NF1: variants seen among roughly 807,000 people sequenced by gnomAD.
The protein encoded by NF1 is neurofibromin.
In NF1, 122 loss-of-function variants were observed where a neutral mutation model predicts 325.7. The observed-to-expected ratio is 0.37, with a 90% CI of 0.32 to 0.44. The LOEUF is 0.44. Ranked by LOEUF, NF1 falls within the 20% of genes least tolerant of loss-of-function variation. The probability of loss-of-function intolerance (pLI) is 1.00; values close to 1 mark genes in which losing one functional copy is unlikely to be tolerated. For synonymous variants in NF1, 1,091 were observed against 1,186.0 expected (o/e 0.92, Z 1.65); for missense variants, 2,140 against 3,415.4 (o/e 0.63, Z 9.31).
At chr17:31,305,146 A>G in intron 36 of NF1, 1 of 1,614,154 alleles carries the variant, frequency 6.2e-7, no homozygotes, top group Non-Finnish European at 8.5e-7. Flanking sequence ...TCTAGAAGGG[A>G]TCTGGACAGA....
chr17:31,181,633 G>C, intron 6 of NF1, 77 bp from the exon 7 acceptor site: 1 of 1,275,492 alleles, frequency 7.8e-7, no homozygotes. Context: ...TATTATGAAG[G>C]AAGTTAGAAG....
intron 1 of NF1, among the ~76,000 whole-genome samples, chr17:31,106,098 A>G (rs1467051751): frequency 6.6e-6 from 1 of 152,216 alleles, no homozygotes; most frequent in Non-Finnish European, 1.5e-5. Context: ...TGGGCATGAG[A>G]AAACAACTTT....
chr17:31,365,168 C>A (rs778754412), intron 57 of NF1, among the ~76,000 whole-genome samples: 1 of 150,116 alleles, frequency 6.7e-6, no homozygotes, highest in Non-Finnish European at 1.5e-5. Context: ...ATTTGTAGTC[C>A]CAGCTACTTG....
chr17:31,218,920 A>T, intron 13 of NF1, 85 bp from the exon 14 acceptor site: 2 of 1,341,002 alleles, frequency 1.5e-6, no homozygotes, highest in Non-Finnish European at 2.1e-6. Flanking sequence ...GGTACCCTTT[A>T]GCAGTCACTG....
chr17:31,350,154 T>G (rs920196388), intron 49 of NF1, 29 bp from the exon 50 acceptor site: 42 of 1,613,578 alleles, frequency 2.6e-5, no homozygotes, highest in Non-Finnish European at 3.1e-5. Flanking sequence ...TTTGTTAAAT[T>G]TTTTAACCTG....
intron 11 of NF1, among the ~76,000 whole-genome samples, chr17:31,206,009 A>G (rs1161276059): frequency 6.6e-6 from 1 of 152,130 alleles, no homozygotes; most frequent in Non-Finnish European, 1.5e-5. Flanking sequence ...ACATGCTCAT[A>G]AAGTGGGCAA....
In NF1 at chr17:31,214,599, T is replaced by C; in HGVS notation, c.1527+14T>C. On this transcript the variant is annotated intron_variant, in intron 13 of 57. Coordinates refer to ENST00000358273, the MANE Select transcript of NF1 (RefSeq NM_001042492.3). ...CTCTTGCTTTGTGTAAGTATTTTTTTATGAAATGTCTCAAAATTATCACAC... is the reference window on the plus strand; with the variant it reads ...CTCTTGCTTTGTGTAAGTATTTTTTCATGAAATGTCTCAAAATTATCACAC... 1 of 1,612,232 alleles carries C rather than the reference T, an allele frequency of 6.2e-7. No homozygotes were observed. Among genetic ancestry groups the C allele is most frequent in the Non-Finnish European group, 8.5e-7 (1 of 1,178,780 alleles).
chr17:31,173,690 G>A (rs1444504340), intron 5 of NF1, among the ~76,000 whole-genome samples: 1 of 152,098 alleles, frequency 6.6e-6, no homozygotes, highest in Non-Finnish European at 1.5e-5. Flanking sequence ...TACAGAATAA[G>A]CTGGTTAGAG....
intron 36 of NF1, chr17:31,304,951 A>T (rs2068670247): frequency 2.5e-6 from 4 of 1,614,136 alleles, no homozygotes; most frequent in Non-Finnish European, 3.4e-6. Flanking sequence ...TACAATGATG[A>T]TTATAGCTAC....
intron 1 of NF1, among the ~76,000 whole-genome samples, chr17:31,139,354 A>T (rs1157143085): frequency 6.8e-6 from 1 of 147,776 alleles, no homozygotes; most frequent in African/African-American, 2.5e-5. Flanking sequence ...GCCTACTCTT[A>T]GATCTTAAAT....
intron 36 of NF1, chr17:31,295,673 A>G (rs758575519): frequency 3.1e-6 from 5 of 1,614,068 alleles, no homozygotes; most frequent in Non-Finnish European, 4.2e-6. Flanking sequence ...GTAAAGGGTT[A>G]TCTCTTGCAA....
At chr17:31,280,834 ATT>A (rs541226260) in intron 36 of NF1, among the ~76,000 whole-genome samples, 5 of 134,862 alleles carry the variant, frequency 3.7e-5, no homozygotes, top group Admixed American at 7.4e-5. Flanking sequence ...TACTTCGGGG[ATT>A]TTTTTTTTTT....
chr17:31,304,254 T>C lies in NF1; in HGVS notation c.4836-21566T>C, dbSNP rs368478328. ...GATGGAAGATCAGCTAAAAAGCAAGTTGTAATATTTATAACAGTTCTGCAG... is the reference window on the plus strand; with the variant it reads ...GATGGAAGATCAGCTAAAAAGCAAGCTGTAATATTTATAACAGTTCTGCAG... On this transcript the variant is annotated intron_variant, in intron 36 of 57. Transcript: ENST00000358273. The C allele has an allele frequency of 1.5e-5, 23 of 1,573,186 alleles. No individual in the cohort carries two copies. In the African/African-American group the frequency reaches 1.8e-4, roughly 12 times the overall value.
In NF1 at chr17:31,374,278, T is replaced by G; in HGVS notation, c.*123T>G. On this transcript the variant is annotated 3_prime_UTR_variant, in exon 58 of 58. Transcript: ENST00000358273. ...CACTTCCTGTTTTATAATGAACCCA[T>G]CCGGTTTGCCATGTTGCCAGATGAT... 7.6e-7 allele frequency: 1 copy of G among 1,322,062 alleles called. No individual in the cohort carries two copies. Among genetic ancestry groups the G allele is most frequent in the Non-Finnish European group, 1.1e-6 (1 of 928,214 alleles). The allele number at this position is 1,322,062 out of a possible 1,614,324, so 81.9% of individuals were successfully genotyped here.
In NF1 at chr17:31,360,495, A is replaced by G; in HGVS notation, c.8169A>G (p.Gln2723=). The part of the protein sequence containing the change: ...RFAGPFSKQT[Q]IPDYAELIVK... The stretch of plus-strand genomic sequence containing the variant: ...CCTATTTTCCATTACAGCAAACACA[A>G]ATTCCAGACTATGCTGAGCTTATTG... Residue 2723 remains glutamine, a synonymous_variant, in exon 57 of 58, where the codon CAA becomes CAG. Transcript: ENST00000358273. The G allele has an allele frequency of 1.2e-6, 2 of 1,614,034 alleles. No individual in the cohort carries two copies. The highest frequency in any genetic ancestry group is 1.7e-6 in the Non-Finnish European group (2 of 1,179,912).
At chr17:31,283,421 A>C (rs1400726297) in intron 36 of NF1, among the ~76,000 whole-genome samples, 3 of 149,912 alleles carry the variant, frequency 2.0e-5, no homozygotes, top group African/African-American at 7.5e-5. Context: ...CATCTCAAAA[A>C]AACAAACAAA....
chr17:31,110,600 A>G (rs1029229959), intron 1 of NF1, among the ~76,000 whole-genome samples: 2 of 152,092 alleles, frequency 1.3e-5, no homozygotes, highest in Admixed American at 6.6e-5. Context: ...GAAAGGGTGG[A>G]AAAATTCAAG....
rs759655189 is a variant in NF1, at chr17:31,230,895, C to A, written c.3167C>A (p.Ala1056Glu). The A allele has an allele frequency of 6.2e-7, 1 of 1,610,898 alleles. No individual in the cohort carries two copies. The highest frequency in any genetic ancestry group is 1.1e-5 in the South Asian group (1 of 90,920). ...TGGGTTATGGGAACATCAAACCAAG[C>A]AGCAGATGATGATGTAAAATGTCTT... ...TDWVMGTSNQAADDDVKCLTR... is the reference protein window; with the variant it reads ...TDWVMGTSNQEADDDVKCLTR... The change falls in exon 24 of 58, where the codon GCA becomes GAA. Residue 1056 changes from alanine (A) to glutamate (E), a missense_variant. This residue lies in a region of NF1 where 380 missense variants were observed against 639.3 expected (regional missense o/e 0.59). Transcript: ENST00000358273.
chr17:31,190,889 A>G (rs1597669662), intron 8 of NF1, among the ~76,000 whole-genome samples: 1 of 152,196 alleles, frequency 6.6e-6, no homozygotes, highest in East Asian at 1.9e-4. Flanking sequence ...ATAAGGTGAG[A>G]TAGTATCTCA....
Sources: gnomAD v4.1 joint callset for allele counts (sites outside exome capture counted in the v4.1 genomes callset) on GRCh38, gnomAD v4.1.1 for gene constraint, gnomAD v4.1.1 regional missense constraint, MANE v1.5 for transcripts, NCBI Gene and HGNC (gene_info 2026-07-23, HGNC 2026-07-21) for gene names.